Variants in RBFOX1 observed in about 807,000 individuals in gnomAD.
RBFOX1 encodes the protein RNA binding fox-1 homolog 1.
RBFOX1 carries 8 observed loss-of-function variants against 57.7 expected under a neutral mutation model. The ratio of observed to expected loss-of-function variants is 0.14; its 90% CI spans 0.08 to 0.25. The LOEUF is 0.25. RBFOX1 is among the 10% of genes least tolerant of loss of function. The probability of loss-of-function intolerance (pLI) is 1.00; values close to 1 mark genes in which losing one functional copy is unlikely to be tolerated. For missense variants in RBFOX1, 611 were observed against 548.5 expected, an observed-to-expected ratio of 1.11 and a Z score of -1.14; for synonymous variants, 326 against 222.4, an observed-to-expected ratio of 1.47 and a Z score of -4.15.
At chr16:5,951,715 C>G (rs368386062) in intron 4 of RBFOX1, among the ~76,000 whole-genome samples, 1 of 152,064 alleles carries the variant, frequency 6.6e-6, no homozygotes, top group Non-Finnish European at 1.5e-5. Context: ...TAGCCACTTC[C>G]TTGTATTTCC....
chr16:7,609,910 C>T (rs145688775), intron 10 of RBFOX1, among the ~76,000 whole-genome samples: 85 of 151,798 alleles, frequency 5.6e-4, no homozygotes, highest in African/African-American at 2.0e-3. Flanking sequence ...CTCTGCCTCC[C>T]GGGTTCAAGT....
At chr16:7,318,799 A>G (rs1041217200) in intron 4 of RBFOX1, among the ~76,000 whole-genome samples, 4 of 152,122 alleles carry the variant, frequency 2.6e-5, no homozygotes, top group African/African-American at 4.8e-5. Flanking sequence ...CCATCTCTCC[A>G]TGTGTTCTGC....
At chr16:5,706,014 A>G (rs2051234383) in intron 3 of RBFOX1, among the ~76,000 whole-genome samples, 1 of 152,058 alleles carries the variant, frequency 6.6e-6, no homozygotes, top group Non-Finnish European at 1.5e-5. Context: ...AGGTTCAAGC[A>G]ATTCTCTTGC....
chr16:6,638,913 C>G (rs572141892), intron 2 of RBFOX1, among the ~76,000 whole-genome samples: 2 of 152,274 alleles, frequency 1.3e-5, no homozygotes, highest in South Asian at 2.1e-4. Context: ...TATTCATTTT[C>G]TACCAGGAAG....
At chr16:7,565,760 C>A (rs1392371938) in intron 5 of RBFOX1, among the ~76,000 whole-genome samples, 2 of 152,128 alleles carry the variant, frequency 1.3e-5, no homozygotes, top group Non-Finnish European at 2.9e-5. Flanking sequence ...CAGCAGCTGG[C>A]TCTTCAAAGT....
At chr16:5,934,557 T>G (rs17138946) in intron 4 of RBFOX1, among the ~76,000 whole-genome samples, 12,476 of 152,218 alleles carry the variant, frequency 0.082, 767 homozygotes, top group African/African-American at 0.16. Context: ...AGGCCTGCAG[T>G]ATGGACAGAT....
chr16:7,264,989 C>T (rs1168558976), intron 4 of RBFOX1, among the ~76,000 whole-genome samples: 1 of 152,204 alleles, frequency 6.6e-6, no homozygotes, highest in African/African-American at 2.4e-5. Flanking sequence ...TTGTAGAATC[C>T]ATTTGCGGTT....
At chr16:6,892,738 G>T (rs2065767792) in intron 3 of RBFOX1, among the ~76,000 whole-genome samples, 1 of 149,016 alleles carries the variant, frequency 6.7e-6, no homozygotes. Flanking sequence ...GGAAGCAGAA[G>T]TATCAGAAAT....
At chr16:7,556,171 A>G (rs1218006895) in intron 5 of RBFOX1, among the ~76,000 whole-genome samples, 4 of 152,180 alleles carry the variant, frequency 2.6e-5, no homozygotes, top group African/African-American at 9.7e-5. Context: ...GAGTATCATG[A>G]CCACCATTTA....
chr16:6,685,930 C>G (rs1400404167), intron 3 of RBFOX1, among the ~76,000 whole-genome samples: 2 of 152,044 alleles, frequency 1.3e-5, no homozygotes, highest in Non-Finnish European at 2.9e-5. Flanking sequence ...ATTTAAAAAG[C>G]TTTTATTTTT....
intron 2 of RBFOX1, among the ~76,000 whole-genome samples, chr16:5,531,081 C>A (rs761726651): frequency 1.3e-5 from 2 of 151,686 alleles, no homozygotes; most frequent in African/African-American, 4.8e-5. Flanking sequence ...GCCGAGATTG[C>A]GCCACTGCAC....
chr16:7,706,403 T>C (rs944814762), intron 14 of RBFOX1, among the ~76,000 whole-genome samples: 2 of 152,204 alleles, frequency 1.3e-5, no homozygotes, highest in Non-Finnish European at 2.9e-5. Flanking sequence ...TGCCAAATTG[T>C]TACCTTGGGT....
chr16:6,765,356 C>G lies in RBFOX1; in HGVS notation c.-16+110706C>G, dbSNP rs146074828. Among the ~76,000 whole-genome samples, 197 of 152,254 alleles carry G rather than the reference C, an allele frequency of 1.3e-3. 1 individual carries two copies. Among genetic ancestry groups the G allele is most frequent in the African/African-American group, 4.4e-3 (184 of 41,546 alleles). On this transcript the variant is annotated intron_variant, in intron 3 of 15. Coordinates refer to ENST00000550418, the MANE Select transcript of RBFOX1 (RefSeq NM_018723.4). ...CCACTGGAAATAATAGCAAATACGG[C>G]TTGTTGGAAAGTCCGTGTGTAACTT...
Position 5,576,969 on chromosome 16 carries a change from T to C in RBFOX1, c.259-21933T>C, listed in dbSNP as rs535605149. Reference sequence around the variant, plus strand: ...AGAGGAGTTAAGCCGTCAATATCCTTTGGGAGCCATTGCTAAAGTTCAGAA... The same window carrying C: ...AGAGGAGTTAAGCCGTCAATATCCTCTGGGAGCCATTGCTAAAGTTCAGAA... On this transcript the variant is annotated intron_variant, in intron 2 of 2. Coordinates refer to the RBFOX1 transcript ENST00000585867. Among the ~76,000 whole-genome samples the C allele has an allele frequency of 4.6e-5, 7 of 152,338 alleles. No homozygotes were observed. The East Asian group carries it at 1.4e-3, about 29-fold the overall frequency.
At chr16:6,033,447 C>T (rs2095318829) in intron 1 of RBFOX1, among the ~76,000 whole-genome samples, 1 of 152,174 alleles carries the variant, frequency 6.6e-6, no homozygotes, top group African/African-American at 2.4e-5. Flanking sequence ...TTCTCATGCA[C>T]CCTTTCATAT....
chr16:6,610,634 C>G (rs1303278170), intron 2 of RBFOX1, among the ~76,000 whole-genome samples: 1 of 152,126 alleles, frequency 6.6e-6, no homozygotes, highest in East Asian at 1.9e-4. Context: ...CCCACCCGAT[C>G]AACATTATCC....
intron 10 of RBFOX1, among the ~76,000 whole-genome samples, chr16:7,616,031 G>C (rs935381568): frequency 6.6e-6 from 1 of 152,120 alleles, no homozygotes; most frequent in African/African-American, 2.4e-5. Flanking sequence ...TTTCATCTTT[G>C]GAGCATTGTA....
intron 1 of RBFOX1, among the ~76,000 whole-genome samples, chr16:6,094,916 A>G (rs1159783768): frequency 6.6e-6 from 1 of 152,076 alleles, no homozygotes; most frequent in Non-Finnish European, 1.5e-5. Flanking sequence ...AAAAGTTACT[A>G]AGGGATGGTG....
At chr16:5,854,122 G>A (rs1373605795) in intron 3 of RBFOX1, among the ~76,000 whole-genome samples, 2 of 152,118 alleles carry the variant, frequency 1.3e-5, no homozygotes, top group African/African-American at 2.4e-5. Context: ...ATTGGGAAAC[G>A]CTTACCACAA....
Sources: allele counts gnomAD v4.1 joint callset (sites outside exome capture counted in the v4.1 genomes callset), GRCh38; gene constraint gnomAD v4.1.1; transcripts MANE v1.5; gene names NCBI Gene and HGNC (gene_info 2026-07-23, HGNC 2026-07-21).